The following SLC25A10 variants were observed in gnomAD, a reference collection of about 807,000 sequenced individuals.
The protein encoded by SLC25A10 is mitochondrial dicarboxylate carrier.
In SLC25A10, 32 loss-of-function variants were observed where a neutral mutation model predicts 40.4. The ratio of observed to expected loss-of-function variants is 0.79; its 90% CI spans 0.60 to 1.06. SLC25A10 has a LOEUF of 1.06. Among genes scored for constraint, SLC25A10 ranks in the 50% least tolerant of loss-of-function variants. The probability of loss-of-function intolerance (pLI) is 0.00; values close to 1 mark genes in which losing one functional copy is unlikely to be tolerated. For missense variants in SLC25A10, 394 were observed against 402.6 expected (o/e 0.98, Z 0.18); for synonymous variants, 181 against 171.1 (o/e 1.06, Z -0.45).
chr17:81,717,365 C>T, intron 7 of SLC25A10, 34 bp from the exon 8 acceptor site: 1 of 1,606,548 alleles, frequency 6.2e-7, no homozygotes, highest in Non-Finnish European at 8.5e-7. Flanking sequence ...CTGGGGTCCC[C>T]CCTACAGCCC....
rs374551322 is a variant in SLC25A10, at chr17:81,717,383, C to T, written c.535-16C>T. The T allele has an allele frequency of 6.4e-5, 103 of 1,612,760 alleles. No homozygotes were observed. The highest frequency in any genetic ancestry group is 1.5e-4 in the Admixed American group (9 of 59,996). On this transcript the variant is annotated splice_polypyrimidine_tract_variant and intron_variant, in intron 7 of 10. Transcript: ENST00000350690. ...GGGTCCCCCCTACAGCCCTGACCGC[C>T]CTTGTGCCCCTGCAGCTGTCCTGCT...
rs530579141 is a variant in SLC25A10, at chr17:81,716,842, C to T, written c.450C>T (p.Arg150=). The change falls in exon 6 of 11, where the codon CGC becomes CGT. Residue 150 remains arginine, a synonymous_variant. Transcript: ENST00000350690. The part of the protein sequence containing the change: ...NYAHALDGLY[R]VAREEGLRRL... ...CCCATGCGCTGGATGGCCTGTACCGCGTAGCTCGTGAAGGTGAGGGGCAGG... is the reference window on the plus strand; with the variant it reads ...CCCATGCGCTGGATGGCCTGTACCGTGTAGCTCGTGAAGGTGAGGGGCAGG... 6.5e-5 allele frequency: 104 copies of T among 1,611,168 alleles called. 1 individual carries two copies. Among genetic ancestry groups the T allele is most frequent in the Middle Eastern group, 5.0e-4 (3 of 6,016 alleles).
At chr17:81,716,078 G>A in intron 5 of SLC25A10, 28 bp downstream of exon 5, 1 of 1,583,882 alleles carries the variant, frequency 6.3e-7, no homozygotes. Context: ...TTCTCGGGGT[G>A]GTTGAGGTGC....
chr17:81,719,827 G>T lies in SLC25A10; in HGVS notation c.706-4G>T. On this transcript the variant is annotated splice_polypyrimidine_tract_variant and splice_region_variant and intron_variant, in intron 9 of 10. Coordinates refer to ENST00000350690, the MANE Select transcript of SLC25A10 (RefSeq NM_012140.5). The stretch of plus-strand genomic sequence containing the variant: ...TTTTGATTGTTTCACTGCGTTTTCT[G>T]CAGGGCGTTTTCCACTGCGCCGTGG... 1 of 1,613,066 alleles carries T rather than the reference G, an allele frequency of 6.2e-7. No individual in the cohort carries two copies. The highest frequency in any genetic ancestry group is 8.5e-7 in the Non-Finnish European group (1 of 1,179,890).
At chr17:81,717,126 A>G in intron 7 of SLC25A10, 54 bp downstream of exon 7, 3 of 1,565,752 alleles carry the variant, frequency 1.9e-6, no homozygotes, top group African/African-American at 2.7e-5. Context: ...ACTGACCTCC[A>G]TCTTCAGAGG....
chr17:81,716,929 C>T (rs905683344), intron 6 of SLC25A10, 73 bp from the exon 7 acceptor site: 18 of 1,604,756 alleles, frequency 1.1e-5, no homozygotes, highest in African/African-American at 8.0e-5. Flanking sequence ...GAAGACTGGG[C>T]GCTGAGGGAT....
rs376123895 is a variant in SLC25A10, at chr17:81,720,083, C to T, written c.*6C>T. ...GCATCAAAGTGCCATCCTGACCAGC[C>T]GTGGGAATGGCTGGGCTGCCAGGCC... On this transcript the variant is annotated 3_prime_UTR_variant, in exon 11 of 11. Coordinates refer to ENST00000350690, the MANE Select transcript of SLC25A10 (RefSeq NM_012140.5). 5.0e-5 allele frequency: 80 copies of T among 1,612,696 alleles called. No individual in the cohort carries two copies. The highest frequency in any genetic ancestry group is 1.5e-4 in the Admixed American group (9 of 60,018).
intron 7 of SLC25A10, 88 bp downstream of exon 7, chr17:81,717,160 G>T: frequency 1.4e-6 from 2 of 1,456,114 alleles, no homozygotes; most frequent in South Asian, 2.3e-5. Flanking sequence ...GGCACTGGGC[G>T]CCAAAACCCT....
Position 81,716,897 on chromosome 17 carries a change from AGGCAGGGTG to A in SLC25A10, c.463+48_463+56del, listed in dbSNP as rs753496426. On this transcript the variant is annotated intron_variant, in intron 6 of 10. Transcript: ENST00000350690. ...GTGCACAGGCAGGGTTCTGGGGGGCAGGCAGGGTGGGCAGCGCTGTAGAAGACTGGGCGC... is the reference window on the plus strand; with the variant it reads ...GTGCACAGGCAGGGTTCTGGGGGGCAGGCAGCGCTGTAGAAGACTGGGCGC... 16 of 1,533,018 alleles carry A rather than the reference AGGCAGGGTG, an allele frequency of 1.0e-5. No individual in the cohort carries two copies. In the African/African-American group the frequency reaches 2.2e-4, roughly 21 times the overall value. 95.0% of individuals were successfully genotyped at this position (1,533,018 alleles called of 1,614,324 possible).
At chr17:81,713,745 C>T (rs1289111089) in intron 1 of SLC25A10, among the ~76,000 whole-genome samples, 1 of 152,360 alleles carries the variant, frequency 6.6e-6, no homozygotes, top group African/African-American at 2.4e-5. Flanking sequence ...GTGTTGAAGG[C>T]GGGACCTGCG....
rs546383317 is a variant in SLC25A10 at position 81,720,776 on chromosome 17, C to T, written c.*699C>T. ...CAAAGCCTCTCCACTCACCAGCAGG[C>T]GGTCTCTGTCTTCAGGGATTGTGCC... On this transcript the variant is annotated 3_prime_UTR_variant, in exon 11 of 11. Coordinates refer to ENST00000350690, the MANE Select transcript of SLC25A10 (RefSeq NM_012140.5). The T allele has an allele frequency of 3.1e-5, 10 of 321,060 alleles. No individual in the cohort carries two copies. Among genetic ancestry groups the T allele is most frequent in the South Asian group, 1.6e-4 (1 of 6,342 alleles). The allele number at this position is 321,060 out of a possible 1,614,324, so 19.9% of individuals were successfully genotyped here.
At chr17:81,718,482 T>G (rs1598214522) in intron 9 of SLC25A10, among the ~76,000 whole-genome samples, 1 of 151,430 alleles carries the variant, frequency 6.6e-6, no homozygotes, top group East Asian at 2.0e-4. Flanking sequence ...TGAAACTGTC[T>G]CAAAAAAACA....
Position 81,720,249 on chromosome 17 carries a change from C to T in SLC25A10, c.*172C>T. Reference sequence around the variant, plus strand: ...CTGGCTGAGCTCCTCCTGGCCTCGTCCCCTCTCAGCTGTAGCTGCACCACC... The same window carrying T: ...CTGGCTGAGCTCCTCCTGGCCTCGTTCCCTCTCAGCTGTAGCTGCACCACC... On this transcript the variant is annotated 3_prime_UTR_variant, in exon 11 of 11. Coordinates refer to ENST00000350690, the MANE Select transcript of SLC25A10 (RefSeq NM_012140.5). 6.9e-7 allele frequency: 1 copy of T among 1,446,506 alleles called. No homozygotes were observed. Among genetic ancestry groups the T allele is most frequent in the South Asian group, 1.4e-5 (1 of 69,080 alleles). 89.6% of individuals were successfully genotyped at this position (1,446,506 alleles called of 1,614,324 possible).
chr17:81,717,954 G>A (rs1050482487), intron 9 of SLC25A10, 93 bp downstream of exon 9: 9 of 940,320 alleles, frequency 9.6e-6, no homozygotes, highest in Non-Finnish European at 1.2e-5. Flanking sequence ...GGGACCCGGG[G>A]AAGGGTGTCC....
In SLC25A10 at chr17:81,720,092, G is replaced by T. The variant is rs767343910; in HGVS notation, c.*15G>T. The stretch of plus-strand genomic sequence containing the variant: ...TGCCATCCTGACCAGCCGTGGGAAT[G>T]GCTGGGCTGCCAGGCCAGACACGCT... On this transcript the variant is annotated 3_prime_UTR_variant, in exon 11 of 11. Coordinates refer to ENST00000350690, the MANE Select transcript of SLC25A10 (RefSeq NM_012140.5). 12 of 1,612,000 alleles carry T rather than the reference G, an allele frequency of 7.4e-6. No individual in the cohort carries two copies. The highest frequency in any genetic ancestry group is 1.0e-5 in the Non-Finnish European group (12 of 1,179,968).
In SLC25A10 at chr17:81,715,686, A is replaced by T. The variant is rs764876587; in HGVS notation, c.329-7A>T. On this transcript the variant is annotated splice_polypyrimidine_tract_variant and splice_region_variant and intron_variant, in intron 3 of 10. Transcript: ENST00000350690. ...ACGGCTCATCTCTGGGGTTTGTGTC[A>T]CCGCAGGTTTAGCTGGAGGCTTCGT... The T allele has an allele frequency of 6.2e-7, 1 of 1,613,268 alleles. No homozygotes were observed. The highest frequency in any genetic ancestry group is 8.5e-7 in the Non-Finnish European group (1 of 1,179,924).
rs751572162 is a variant in SLC25A10, at chr17:81,717,409, A to G, written c.545A>G (p.Tyr182Cys). ...CTTGTGCCCCTGCAGCTGTCCTGCT[A>G]CGACCAGGCCAAGCAGCTGGTCCTT... ...ALVTVGQLSC[Y>C]DQAKQLVLST... Residue 182 changes from tyrosine to cysteine, a missense_variant, in exon 8 of 11, where the codon TAC becomes TGC. Physicochemically the swap from Tyr to Cys is radical, Grantham distance 194. Transcript: ENST00000350690. 3.7e-6 allele frequency: 6 copies of G among 1,613,264 alleles called. No homozygotes were observed. The African/African-American group carries it at 8.0e-5, about 22-fold the overall frequency.
chr17:81,717,964 C>T (rs554391058), intron 9 of SLC25A10, 103 bp downstream of exon 9: 1 of 835,088 alleles, frequency 1.2e-6, no homozygotes, highest in Non-Finnish European at 2.0e-6. Flanking sequence ...GAAGGGTGTC[C>T]CTCCCTTCTA....
intron 1 of SLC25A10, 97 bp from the exon 2 acceptor site, chr17:81,714,856 T>C: frequency 6.6e-7 from 1 of 1,524,024 alleles, no homozygotes. Flanking sequence ...GTGGGAGGCC[T>C]TATCACTGCC....
Sources: allele counts gnomAD v4.1 joint callset (sites outside exome capture counted in the v4.1 genomes callset), GRCh38; gene constraint gnomAD v4.1.1; transcripts MANE v1.5; gene names NCBI Gene and HGNC (gene_info 2026-07-23, HGNC 2026-07-21).